The following EEFSEC variants were observed in gnomAD, a reference collection of about 807,000 sequenced individuals.
EEFSEC encodes eukaryotic elongation factor, selenocysteine-tRNA specific, also known as selenocysteine-specific elongation factor.
EEFSEC carries 43 observed loss-of-function variants against 42.1 expected under a neutral mutation model. The ratio of observed to expected loss-of-function variants is 1.02; its 90% CI spans 0.80 to 1.32. The LOEUF is 1.32. Ranked by LOEUF, EEFSEC falls within the 40% of genes most tolerant of loss-of-function variation. The pLI is 0.00. For synonymous variants in EEFSEC, 354 were observed against 339.1 expected (o/e 1.04, Z -0.48); for missense variants, 745 against 803.6 (o/e 0.93, Z 0.88).
chr3:128,414,998 C>A, the EEFSEC span, among the ~76,000 whole-genome samples: 3 of 152,158 alleles, frequency 2.0e-5, no homozygotes, highest in Non-Finnish European at 4.4e-5. Flanking sequence ...CCCTGGCCAG[C>A]CTCTGCCCAG....
intron 4 of EEFSEC, among the ~76,000 whole-genome samples, chr3:128,297,669 G>T (rs560612321): frequency 6.6e-6 from 1 of 152,210 alleles, no homozygotes; most frequent in Non-Finnish European, 1.5e-5. Context: ...GTCTTGTGCA[G>T]CCTGCCCTTG....
chr3:128,230,444 T>C (rs901561515), intron 1 of EEFSEC, among the ~76,000 whole-genome samples: 5 of 152,242 alleles, frequency 3.3e-5, no homozygotes, highest in African/African-American at 1.2e-4. Flanking sequence ...TGTGAGCCAC[T>C]GTACTTGGCC....
At chr3:128,252,390 A>G (rs2066196222) in intron 2 of EEFSEC, among the ~76,000 whole-genome samples, 1 of 152,226 alleles carries the variant, frequency 6.6e-6, no homozygotes, top group African/African-American at 2.4e-5. Context: ...TGAAAAGTTC[A>G]GTCTCATAGC....
At chr3:128,156,645 A>G (rs1944386409) in intron 1 of EEFSEC, among the ~76,000 whole-genome samples, 1 of 152,226 alleles carries the variant, frequency 6.6e-6, no homozygotes, top group African/African-American at 2.4e-5. Context: ...TTTCAAACAC[A>G]TGTCATCTGT....
chr3:128,249,836 T>C (rs1386780720), intron 2 of EEFSEC, among the ~76,000 whole-genome samples: 1 of 152,224 alleles, frequency 6.6e-6, no homozygotes, highest in African/African-American at 2.4e-5. Context: ...CATTCTTCTG[T>C]TGGTAGACAC....
At chr3:128,357,338 C>G (rs563300360) in intron 5 of EEFSEC, among the ~76,000 whole-genome samples, 2 of 152,362 alleles carry the variant, frequency 1.3e-5, no homozygotes, top group South Asian at 4.1e-4. Flanking sequence ...CTGCACCAAG[C>G]TGACTTTTTC....
intron 1 of EEFSEC, among the ~76,000 whole-genome samples, chr3:128,163,119 C>T (rs1489829960): frequency 6.6e-6 from 1 of 152,130 alleles, no homozygotes; most frequent in Non-Finnish European, 1.5e-5. Context: ...ACCTTAAGAG[C>T]TCAATTCTGT....
At chr3:128,401,080 C>T (rs1359525533) in intron 6 of EEFSEC, among the ~76,000 whole-genome samples, 2 of 152,278 alleles carry the variant, frequency 1.3e-5, no homozygotes, top group East Asian at 1.9e-4. Flanking sequence ...TACTGAATGA[C>T]AGACGTACAT....
At chr3:128,181,101 CTGACCA>C (rs1483998645) in intron 1 of EEFSEC, among the ~76,000 whole-genome samples, 3 of 152,196 alleles carry the variant, frequency 2.0e-5, no homozygotes, top group Non-Finnish European at 4.4e-5. Flanking sequence ...TGGATGGGGA[CTGACCA>C]TGTCCTTTGG....
intron 6 of EEFSEC, among the ~76,000 whole-genome samples, chr3:128,378,163 C>G (rs541973553): frequency 1.1e-4 from 16 of 152,320 alleles, no homozygotes; most frequent in African/African-American, 3.8e-4. Context: ...GTCACCCCAA[C>G]CCTGTGCAAT....
chr3:128,341,594 A>T lies in EEFSEC; in HGVS notation c.1148A>T (p.Asp383Val), dbSNP rs147564601. 3 of 1,613,972 alleles carry T rather than the reference A, an allele frequency of 1.9e-6. No individual in the cohort carries two copies. In the African/African-American group the frequency reaches 4.0e-5, roughly 22 times the overall value. Residue 383 changes from aspartate to valine, a missense_variant, in exon 5 of 7, where the codon GAT becomes GTT. Transcript: ENST00000254730. ...YLFQEQYLSKDLTPAVTDNDE... is the reference protein window; with the variant it reads ...YLFQEQYLSKVLTPAVTDNDE... ...TTCCAGGAGCAGTACCTGTCCAAGG[A>T]TTTGACACCAGCAGTGACAGACAAT...
intron 2 of EEFSEC, among the ~76,000 whole-genome samples, chr3:128,261,212 G>A (rs2066293618): frequency 6.6e-6 from 1 of 152,118 alleles, no homozygotes; most frequent in Non-Finnish European, 1.5e-5. Context: ...GTGGCTCTAA[G>A]GTTTATAGCC....
chr3:128,338,092 TG>T (rs2067210053), intron 4 of EEFSEC, among the ~76,000 whole-genome samples: 2 of 152,222 alleles, frequency 1.3e-5, no homozygotes, highest in South Asian at 4.1e-4. Context: ...GAGCTGCAGG[TG>T]CATGCACTAT....
intron 2 of EEFSEC, among the ~76,000 whole-genome samples, chr3:128,260,039 G>T (rs1358898992): frequency 1.3e-5 from 2 of 152,082 alleles, no homozygotes; most frequent in Non-Finnish European, 2.9e-5. Flanking sequence ...ATATATCTAG[G>T]AGTGGAATAG....
In EEFSEC at chr3:128,301,206, C is replaced by T. The variant is rs9848684; in HGVS notation, c.786+36425C>T. Among the ~76,000 whole-genome samples the T allele has an allele frequency of 9.7e-3, 1,481 of 152,234 alleles. 15 individuals carry two copies. Among genetic ancestry groups the T allele is most frequent in the Non-Finnish European group, 0.015 (1,005 of 68,008 alleles). ...GCTGAGTTGAAGCAGCCAGTGAAGC[C>T]GTGGAGACTTGCCAGTGGTGGTGAA... On this transcript the variant is annotated intron_variant, in intron 4 of 6. Coordinates refer to ENST00000254730, the MANE Select transcript of EEFSEC (RefSeq NM_021937.5).
chr3:128,328,901 G>T lies in EEFSEC; in HGVS notation c.787-12332G>T, dbSNP rs529293433. 5.3e-5 allele frequency among the ~76,000 whole-genome samples: 8 copies of T among 152,246 alleles called. No individual in the cohort carries two copies. In the South Asian group the frequency reaches 1.7e-3, roughly 32 times the overall value. ...TTGAAAATACATCCCAGACCTAGCA[G>T]CCCCCTTTTGCAGCCACCTCAGTCC... On this transcript the variant is annotated intron_variant, in intron 4 of 6. Coordinates refer to ENST00000254730, the MANE Select transcript of EEFSEC (RefSeq NM_021937.5).
chr3:128,173,811 A>G (rs1174238858), intron 1 of EEFSEC, among the ~76,000 whole-genome samples: 1 of 152,202 alleles, frequency 6.6e-6, no homozygotes, highest in Non-Finnish European at 1.5e-5. Context: ...ATATTTACCA[A>G]TACTGGGGAA....
chr3:128,357,767 G>A (rs1171552068), intron 5 of EEFSEC, among the ~76,000 whole-genome samples: 1 of 151,558 alleles, frequency 6.6e-6, no homozygotes, highest in Non-Finnish European at 1.5e-5. Flanking sequence ...CTGGGCAGGT[G>A]CCCTGGGGAC....
intron 6 of EEFSEC, among the ~76,000 whole-genome samples, chr3:128,363,112 A>C (rs958445463): frequency 6.6e-6 from 1 of 152,230 alleles, no homozygotes; most frequent in African/African-American, 2.4e-5. Context: ...GATGTATAGC[A>C]GTTGGGCTGC....
Sources: allele counts gnomAD v4.1 joint callset (sites outside exome capture counted in the v4.1 genomes callset), GRCh38; gene constraint gnomAD v4.1.1; transcripts MANE v1.5; gene names NCBI Gene and HGNC (gene_info 2026-07-23, HGNC 2026-07-21).